TULP2: variants seen among roughly 807,000 people sequenced by gnomAD.
The protein encoded by TULP2 is tubby-related protein 2.
A neutral mutation model predicts 60.3 loss-of-function variants in TULP2; 64 were observed. The ratio of observed to expected loss-of-function variants is 1.06; its 90% CI spans 0.87 to 1.31. The LOEUF (loss-of-function observed/expected upper bound fraction) is 1.31, where lower values mean the gene tolerates loss of function less well. Ranked by LOEUF, TULP2 falls within the 50% of genes most tolerant of loss-of-function variation. The pLI is 0.00. For synonymous variants in TULP2, 267 were observed against 265.4 expected (o/e 1.01, Z -0.06); for missense variants, 652 against 667.0 (o/e 0.98, Z 0.25).
At chr19:48,892,644 C>T (rs868273780) in intron 6 of TULP2, among the ~76,000 whole-genome samples, 2 of 151,762 alleles carry the variant, frequency 1.3e-5, no homozygotes, top group African/African-American at 4.8e-5. Flanking sequence ...GCTGGGACTA[C>T]AGGCGCCCAC....
At chr19:48,890,957 A>G (rs2037226865) in intron 6 of TULP2, among the ~76,000 whole-genome samples, 1 of 152,140 alleles carries the variant, frequency 6.6e-6, no homozygotes, top group Non-Finnish European at 1.5e-5. Flanking sequence ...ACGTCACCAC[A>G]ATGGAATATT....
intron 12 of TULP2, 77 bp from the exon 13 acceptor site, chr19:48,881,203 TTTTTTTTC>T: frequency 2.3e-6 from 1 of 435,852 alleles, no homozygotes; most frequent in Non-Finnish European, 3.2e-6. Flanking sequence ...CTTTTTTTTT[TTTTTTTTC>T]TTTTTTTTTT....
intron 5 of TULP2, 65 bp from the exon 6 acceptor site, chr19:48,895,227 G>C (rs1423548335): frequency 6.3e-7 from 1 of 1,581,576 alleles, no homozygotes; most frequent in African/African-American, 1.3e-5. Context: ...CTCAGGACCT[G>C]AACTCCTTGG....
In TULP2 at chr19:48,897,761, T is replaced by C; in HGVS notation, c.32+76A>G. The stretch of plus-strand genomic sequence containing the variant: ...ATGGTGCTGAACCTGCAAACATGGT[T>C]ATGAAGCCAGAGCCGAGTGCACGGG... On this transcript the variant is annotated intron_variant, in intron 2 of 12. Transcript: ENST00000221399. This position sits in a 1 kb window ranked among gnomAD's most constrained non-coding sequence, Gnocchi z 4.0. 6.7e-7 allele frequency: 1 copy of C among 1,497,960 alleles called. No homozygotes were observed. Among genetic ancestry groups the C allele is most frequent in the South Asian group, 1.1e-5 (1 of 88,498 alleles). The allele number at this position is 1,497,960 out of a possible 1,614,324, so 92.8% of individuals were successfully genotyped here. A position where few individuals can be genotyped will look rare whatever the true frequency, so the allele number is the denominator to read the frequency against.
intron 8 of TULP2, 125 bp downstream of exon 8, chr19:48,887,825 T>C: frequency 9.5e-7 from 1 of 1,051,112 alleles, no homozygotes; most frequent in Non-Finnish European, 1.4e-6. Flanking sequence ...CCCAAAGTGC[T>C]GGGATTATAG....
Position 48,897,453 on chromosome 19 carries a change from G to C in TULP2, c.33-57C>G. 9 of 1,576,854 alleles carry C rather than the reference G, an allele frequency of 5.7e-6. No individual in the cohort carries two copies. The highest frequency in any genetic ancestry group is 7.8e-6 in the Non-Finnish European group (9 of 1,152,182). On this transcript the variant is annotated intron_variant, in intron 2 of 12. Coordinates refer to ENST00000221399, the MANE Select transcript of TULP2 (RefSeq NM_003323.3). The surrounding 1 kb of genome is among the most constrained non-coding windows in gnomAD (Gnocchi z 4.0). ...CACAGGGAACCTCGGTTGCCCAAGA[G>C]AGTCCCTCCTTCCCCCATCCTGCCC...
intron 8 of TULP2, 95 bp from the exon 9 acceptor site, chr19:48,885,655 G>A (rs1232903639): frequency 2.6e-5 from 28 of 1,097,526 alleles, no homozygotes; most frequent in Non-Finnish European, 3.3e-5. Flanking sequence ...AGGCTGCGGC[G>A]GGCAGATCAC....
In TULP2 at chr19:48,888,245, T is replaced by C. The variant is rs760995572; in HGVS notation, c.653A>G (p.Lys218Arg). ...TGTAGACTCAGAGGCCTCTCTCTTCTTTTCCAAGTCTTCTTCCTAGCCCAG... is the reference window on the plus strand; with the variant it reads ...TGTAGACTCAGAGGCCTCTCTCTTCCTTTCCAAGTCTTCTTCCTAGCCCAG... ...LAFQKEEDLEKKREASESTGT... is the reference protein window; with the variant it reads ...LAFQKEEDLERKREASESTGT... Residue 218 changes from lysine to arginine, a missense_variant, in exon 8 of 13, where the codon AAG (lysine) becomes AGG (arginine). By Grantham distance (26) the Lys-to-Arg change is conservative. Transcript: ENST00000221399. 1 of 1,592,512 alleles carries C rather than the reference T, an allele frequency of 6.3e-7. No homozygotes were observed. The highest frequency in any genetic ancestry group is 8.6e-7 in the Non-Finnish European group (1 of 1,165,066).
chr19:48,887,170 C>T (rs1032102700), intron 8 of TULP2, among the ~76,000 whole-genome samples: 1 of 151,514 alleles, frequency 6.6e-6, no homozygotes, highest in Non-Finnish European at 1.5e-5. Flanking sequence ...CACAACCACG[C>T]CTGGCTAACT....
At chr19:48,885,634 T>C in intron 8 of TULP2, 74 bp from the exon 9 acceptor site, 1 of 1,402,256 alleles carries the variant, frequency 7.1e-7, no homozygotes, top group Non-Finnish European at 1.0e-6. Context: ...CTGTAATCCC[T>C]GCACTTTGGG....
intron 9 of TULP2, among the ~76,000 whole-genome samples, chr19:48,884,908 CTTTTTTTTTTTT>C (rs745788084): frequency 9.2e-5 from 9 of 97,362 alleles, no homozygotes; most frequent in Non-Finnish European, 1.4e-4. Context: ...TAGGAACCCT[CTTTTTTTTTTTT>C]TTTTTTTTTT....
rs750359948 is a variant in TULP2, at chr19:48,895,011, G to A, written c.501C>T (p.Ala167=). Reference sequence around the variant, plus strand: ...CCCCTAAATTACCAGGTCGTTGGTGGGCTTGCCAACCCTTGCGTCGGATTC... The same window carrying A: ...CCCCTAAATTACCAGGTCGTTGGTGAGCTTGCCAACCCTTGCGTCGGATTC... The part of the protein sequence containing the change: ...SPRIRRKGWQ[A]HQRPGTRAEG... The change falls in exon 6 of 13, where the codon GCC becomes GCT. Residue 167 remains alanine (A), a synonymous_variant. Coordinates refer to ENST00000221399, the MANE Select transcript of TULP2 (RefSeq NM_003323.3). 3.1e-6 allele frequency: 5 copies of A among 1,612,744 alleles called. No homozygotes were observed. The South Asian group carries it at 5.5e-5, about 18-fold the overall frequency.
intron 8 of TULP2, 103 bp from the exon 9 acceptor site, chr19:48,885,663 C>A: frequency 1.0e-6 from 1 of 954,696 alleles, no homozygotes; most frequent in Non-Finnish European, 1.6e-6. Flanking sequence ...GCGGGCAGAT[C>A]ACTTGAGGAC....
At chr19:48,884,435 C>G (rs765078211) in intron 9 of TULP2, among the ~76,000 whole-genome samples, 2 of 149,302 alleles carry the variant, frequency 1.3e-5, no homozygotes, top group Non-Finnish European at 3.0e-5. Flanking sequence ...CAGAATGAAA[C>G]CCTGTCTCTA....
intron 12 of TULP2, 66 bp from the exon 13 acceptor site, chr19:48,881,192 ACT>A: frequency 5.7e-5 from 35 of 614,534 alleles, no homozygotes; most frequent in Non-Finnish European, 7.9e-5. Context: ...GAGAACTGAG[ACT>A]TTTTTTTTTT....
At chr19:48,884,288 T>C (rs574399917) in intron 9 of TULP2, among the ~76,000 whole-genome samples, 85 of 150,310 alleles carry the variant, frequency 5.7e-4, no homozygotes, top group East Asian at 4.0e-4. Context: ...CTACAAAAAA[T>C]AGAAAAATTA....
intron 6 of TULP2, among the ~76,000 whole-genome samples, chr19:48,890,011 C>T (rs200437434): frequency 6.6e-6 from 1 of 152,184 alleles, no homozygotes; most frequent in East Asian, 1.9e-4. Flanking sequence ...AATATGGCCT[C>T]GTGGGAAGGG....
chr19:48,894,866 A>C, intron 6 of TULP2, 132 bp downstream of exon 6: 2 of 1,214,526 alleles, frequency 1.6e-6, no homozygotes, highest in Non-Finnish European at 2.3e-6. Context: ...AAACCATGGA[A>C]TTGTGAACTT....
chr19:48,895,077 C>A lies in TULP2; in HGVS notation c.435G>T (p.Glu145Asp). 6.2e-7 allele frequency: 1 copy of A among 1,614,136 alleles called. No individual in the cohort carries two copies. ...SDAELEEVSVENGSVSPPPFK... is the reference protein window; with the variant it reads ...SDAELEEVSVDNGSVSPPPFK... ...AAGGTGGGGGAGAGACGGAACCATT[C>A]TCCACGGAGACTTCCTCCAATTCTG... The change falls in exon 6 of 13, where the codon GAG becomes GAT. Residue 145 changes from glutamate to aspartate, a missense_variant. By Grantham distance (45) the Glu-to-Asp change is conservative. Transcript: ENST00000221399.
Sources: allele counts gnomAD v4.1 joint callset (sites outside exome capture counted in the v4.1 genomes callset), GRCh38; gene constraint gnomAD v4.1.1; non-coding constraint Gnocchi (gnomAD v3.1); transcripts MANE v1.5; gene names NCBI Gene and HGNC (gene_info 2026-07-23, HGNC 2026-07-21).